COMMD1: variants seen among roughly 807,000 people sequenced by gnomAD.
The protein encoded by COMMD1 is copper metabolism domain containing 1, also known as COMM domain-containing protein 1.
COMMD1 carries 10 observed loss-of-function variants against 17.2 expected under a neutral mutation model. The observed-to-expected ratio is 0.58, with a 90% confidence interval of 0.36 to 0.99. The LOEUF is 0.99. Ranked by LOEUF, COMMD1 falls within the 50% of genes least tolerant of loss-of-function variation. COMMD1 has a pLI of 0.01. For synonymous variants in COMMD1, 97 were observed against 91.6 expected, an observed-to-expected ratio of 1.06 and a Z score of -0.34; for missense variants, 270 against 231.8, an observed-to-expected ratio of 1.17 and a Z score of -1.07.
chr2:61,955,543 G>T (rs1379262864), intron 1 of COMMD1, among the ~76,000 whole-genome samples: 3 of 151,834 alleles, frequency 2.0e-5, no homozygotes, highest in Non-Finnish European at 4.4e-5. Flanking sequence ...ATAATTCTTT[G>T]CTAACCAAAG....
chr2:61,890,621 GC>G (rs1669406221), intron 1 of COMMD1, among the ~76,000 whole-genome samples: 1 of 151,760 alleles, frequency 6.6e-6, no homozygotes, highest in South Asian at 2.1e-4. Flanking sequence ...TGGGTGGATC[GC>G]TTTAGGTCAG....
intron 2 of COMMD1, among the ~76,000 whole-genome samples, chr2:62,123,749 A>T (rs969523009): frequency 6.6e-6 from 1 of 151,868 alleles, no homozygotes; most frequent in Non-Finnish European, 1.5e-5. Context: ...TACACCCACT[A>T]GCCCCAGTCC....
chr2:61,921,652 C>G (rs948924240), intron 1 of COMMD1, among the ~76,000 whole-genome samples: 1 of 152,086 alleles, frequency 6.6e-6, no homozygotes, highest in Non-Finnish European at 1.5e-5. Context: ...ACCGTGTTAG[C>G]CAGGATGGTC....
chr2:62,044,837 T>C (rs1323892568), intron 2 of COMMD1, among the ~76,000 whole-genome samples: 1 of 117,040 alleles, frequency 8.5e-6, no homozygotes, highest in African/African-American at 2.8e-5. Flanking sequence ...GCTCCTAACT[T>C]AAAAAAAAAA....
At chr2:62,068,152 G>A (rs527869266) in intron 2 of COMMD1, among the ~76,000 whole-genome samples, 71 of 152,258 alleles carry the variant, frequency 4.7e-4, no homozygotes, top group African/African-American at 1.7e-3. Flanking sequence ...CAGATATTTG[G>A]TCAATTGATT....
intron 2 of COMMD1, among the ~76,000 whole-genome samples, chr2:62,086,384 G>T (rs574474638): frequency 6.6e-6 from 1 of 151,666 alleles, no homozygotes; most frequent in Non-Finnish European, 1.5e-5. Flanking sequence ...GGCGGCGTGC[G>T]CCTGTAGTCC....
intron 2 of COMMD1, among the ~76,000 whole-genome samples, chr2:62,078,552 CAAA>C (rs34983790): frequency 5.8e-5 from 5 of 86,892 alleles, no homozygotes; most frequent in East Asian, 3.7e-4. Flanking sequence ...GACTCCGTCT[CAAA>C]AAAAAAAAAA....
chr2:61,956,412 A>G (rs917829581), intron 1 of COMMD1, among the ~76,000 whole-genome samples: 6 of 146,482 alleles, frequency 4.1e-5, no homozygotes, highest in African/African-American at 1.5e-4. Flanking sequence ...TCCTTGTAAA[A>G]TTTTTTTTTT....
intron 1 of COMMD1, among the ~76,000 whole-genome samples, chr2:61,994,576 A>G (rs1392602021): frequency 6.6e-6 from 1 of 152,058 alleles, no homozygotes; most frequent in East Asian, 1.9e-4. Context: ...TTGGTTCCAA[A>G]TGATAGGAAT....
At chr2:61,970,053 T>G (rs372342252) in intron 1 of COMMD1, among the ~76,000 whole-genome samples, 3 of 151,972 alleles carry the variant, frequency 2.0e-5, no homozygotes, top group Non-Finnish European at 2.9e-5. Context: ...GGTCAGGAGT[T>G]CGAGACCAGC....
chr2:62,019,958 T>G (rs1161255769), intron 2 of COMMD1, among the ~76,000 whole-genome samples: 1 of 152,176 alleles, frequency 6.6e-6, no homozygotes, highest in African/African-American at 2.4e-5. Flanking sequence ...CCACAGATTA[T>G]TTACATTCAT....
intron 1 of COMMD1, among the ~76,000 whole-genome samples, chr2:61,913,859 C>A (rs1669979495): frequency 6.9e-6 from 1 of 145,802 alleles, no homozygotes; most frequent in Admixed American, 6.8e-5. Context: ...TGTTCTCAAA[C>A]TCATAATGTT....
At chr2:62,114,958 T>C (rs867428269) in intron 2 of COMMD1, among the ~76,000 whole-genome samples, 3 of 152,206 alleles carry the variant, frequency 2.0e-5, no homozygotes, top group Non-Finnish European at 4.4e-5. Flanking sequence ...AGCACTTTTT[T>C]TTCCCTTTGG....
At chr2:61,904,254 G>A (rs187689688), upstream of COMMD1, among the ~76,000 whole-genome samples, 16 of 151,932 alleles carry the variant, frequency 1.1e-4, no homozygotes, top group African/African-American at 2.2e-4. Flanking sequence ...CTCGTGATCC[G>A]TCTGCCTCGG....
In COMMD1 at chr2:61,974,673, A is replaced by G. The variant is rs896894068; in HGVS notation, c.181-26028A>G. Among the ~76,000 whole-genome samples, 42 of 141,636 alleles carry G rather than the reference A, an allele frequency of 3.0e-4. No homozygotes were observed. In the South Asian group the frequency reaches 8.3e-3, roughly 28 times the overall value. The allele number at this position is 141,636 out of a possible 152,430, so 92.9% of individuals were successfully genotyped here. Reference sequence around the variant, plus strand: ...GGCGACAGAGCGAGACTCCATCTCAAAAAAAAAAAAAAAAAAAAGTTTGTT... The same window carrying G: ...GGCGACAGAGCGAGACTCCATCTCAGAAAAAAAAAAAAAAAAAAGTTTGTT... On this transcript the variant is annotated intron_variant, in intron 1 of 2. Coordinates refer to ENST00000311832, the MANE Select transcript of COMMD1 (RefSeq NM_152516.4).
In COMMD1 at chr2:61,912,512, AG is replaced by A. The variant is rs368633050; in HGVS notation, c.180+6655del. On this transcript the variant is annotated intron_variant, in intron 1 of 2. Coordinates refer to ENST00000311832, the MANE Select transcript of COMMD1 (RefSeq NM_152516.4). Reference sequence around the variant, plus strand: ...AGCACTTTGGGAGGCCAAGGCGGGCAGATCACGAGATCAAGAGATGGAGACC... The same window carrying A: ...AGCACTTTGGGAGGCCAAGGCGGGCAATCACGAGATCAAGAGATGGAGACC... Among the ~76,000 whole-genome samples, 303 of 152,012 alleles carry A rather than the reference AG, an allele frequency of 2.0e-3. 2 individuals are homozygous for A. Among genetic ancestry groups the A allele is most frequent in the African/African-American group, 6.9e-3 (285 of 41,450 alleles).
chr2:62,081,582 T>A (rs1671522757), intron 2 of COMMD1, among the ~76,000 whole-genome samples: 3 of 152,052 alleles, frequency 2.0e-5, no homozygotes. Flanking sequence ...TGATATCCCT[T>A]GTTGCTTTAC....
chr2:61,933,059 G>A (rs950138293), intron 1 of COMMD1, among the ~76,000 whole-genome samples: 1 of 152,130 alleles, frequency 6.6e-6, no homozygotes, highest in African/African-American at 2.4e-5. Flanking sequence ...GTGGCTCTCA[G>A]TGGGATGGGG....
intron 1 of COMMD1, among the ~76,000 whole-genome samples, chr2:61,907,942 C>T (rs1436571403): frequency 6.6e-6 from 1 of 152,156 alleles, no homozygotes; most frequent in Non-Finnish European, 1.5e-5. Context: ...CCCACCTTGG[C>T]CTCCCAAAGT....
Sources: gnomAD v4.1 joint callset for allele counts (sites outside exome capture counted in the v4.1 genomes callset) on GRCh38, gnomAD v4.1.1 for gene constraint, MANE v1.5 for transcripts, NCBI Gene and HGNC (gene_info 2026-07-23, HGNC 2026-07-21) for gene names.